NDRG2: variants seen among roughly 807,000 people sequenced by gnomAD.
NDRG2 encodes protein NDRG2.
A neutral mutation model predicts 58.2 loss-of-function variants in NDRG2; 34 were observed. That is an observed-to-expected ratio of 0.58 (90% confidence interval 0.44 to 0.78). The LOEUF (loss-of-function observed/expected upper bound fraction) is 0.78, where lower values mean the gene tolerates loss of function less well. NDRG2 is among the 30% of genes least tolerant of loss of function. The pLI is 0.00. For synonymous variants in NDRG2, 187 were observed against 175.9 expected (o/e 1.06, Z -0.50); for missense variants, 434 against 471.2 (o/e 0.92, Z 0.73).
chr14:21,028,898 T>C (rs1314628832), upstream of NDRG2: 1 of 152,126 alleles, frequency 6.6e-6, no homozygotes, highest in East Asian at 1.9e-4. Context: ...CATTATTAGA[T>C]GGGAAAAGGA....
chr14:21,055,916 T>C (rs1410254373), intron 1 of NDRG2, among the ~76,000 whole-genome samples: 1 of 152,190 alleles, frequency 6.6e-6, no homozygotes, highest in Non-Finnish European at 1.5e-5. Flanking sequence ...CCAAGTCAAC[T>C]GCTTTCTGGG....
In NDRG2 at chr14:21,024,990, T is replaced by A; in HGVS notation, c.-967A>T. 1 of 985,694 alleles carries A rather than the reference T, an allele frequency of 1.0e-6. No homozygotes were observed. The highest frequency in any genetic ancestry group is 1.2e-6 in the Non-Finnish European group (1 of 830,236). The allele number at this position is 985,694 out of a possible 1,614,324, so 61.1% of individuals were successfully genotyped here. On this transcript the variant is annotated 5_prime_UTR_variant, in exon 1 of 16. The change creates a new upstream start codon in the 5' untranslated region. Coordinates refer to ENST00000556147, the MANE Select transcript of NDRG2 (RefSeq NM_001320329.2). The stretch of plus-strand genomic sequence containing the variant: ...ACCGCCCGCCGGCCCGGCTGGCGCC[T>A]TCCAGGCCCTACGGCCCCTCGCCTG...
intron 1 of NDRG2, among the ~76,000 whole-genome samples, chr14:21,036,765 G>T (rs1884653992): frequency 6.6e-6 from 1 of 152,216 alleles, no homozygotes; most frequent in African/African-American, 2.4e-5. Context: ...CTCATAGAAA[G>T]ACTCAACCCA....
At chr14:21,025,233 C>G, upstream of NDRG2, 1 of 851,678 alleles carries the variant, frequency 1.2e-6, no homozygotes, top group African/African-American at 1.8e-5. The surrounding 1 kb of genome is among the most constrained non-coding windows in gnomAD (Gnocchi z 5.1). Flanking sequence ...GTGCTGGGGC[C>G]GGGGGGCGAG....
chr14:21,063,273 G>A (rs1886072850), intron 1 of NDRG2, among the ~76,000 whole-genome samples: 1 of 152,162 alleles, frequency 6.6e-6, no homozygotes, highest in African/African-American at 2.4e-5. Context: ...TTCAGGGTGA[G>A]GAAGTAAAGT....
chr14:21,065,759 G>A (rs968984069), intron 1 of NDRG2, among the ~76,000 whole-genome samples: 1 of 152,134 alleles, frequency 6.6e-6, no homozygotes, highest in Non-Finnish European at 1.5e-5. Flanking sequence ...GAGCAAAAAG[G>A]TGCCAAATTA....
At chr14:21,053,601 T>C (rs1232433632) in intron 1 of NDRG2, among the ~76,000 whole-genome samples, 3 of 151,790 alleles carry the variant, frequency 2.0e-5, no homozygotes, top group Admixed American at 2.0e-4. Flanking sequence ...CAGTCTAGCC[T>C]GGGCGGCAGA....
intron 1 of NDRG2, among the ~76,000 whole-genome samples, chr14:21,052,845 T>G (rs1271374602): frequency 6.6e-6 from 1 of 152,114 alleles, no homozygotes; most frequent in African/African-American, 2.4e-5. Context: ...AGGAGGCAGT[T>G]AGAAGGTGGT....
chr14:21,025,277 G>A (rs1022641740), upstream of NDRG2: 5 of 912,220 alleles, frequency 5.5e-6, no homozygotes, highest in South Asian at 2.5e-4. The surrounding 1 kb of genome is among the most constrained non-coding windows in gnomAD (Gnocchi z 5.1). Flanking sequence ...GGCTCTGCTC[G>A]GCTCACCAAA....
Position 21,017,163 on chromosome 14 carries a change from T to C in NDRG2, c.*433A>G, listed in dbSNP as rs780714665. ...CCATACCCTTCAGAGTCCTAAAGGG[T>C]TAATGAGAAGCCACCTCAGCTTTGG... On this transcript the variant is annotated 3_prime_UTR_variant, in exon 16 of 16. Transcript: ENST00000556147. 5.5e-6 allele frequency: 2 copies of C among 364,786 alleles called. No individual in the cohort carries two copies. The highest frequency in any genetic ancestry group is 1.1e-5 in the Non-Finnish European group (2 of 181,612). The allele number at this position is 364,786 out of a possible 1,614,324, so 22.6% of individuals were successfully genotyped here.
chr14:21,063,668 G>T (rs181467777), intron 1 of NDRG2, among the ~76,000 whole-genome samples: 7 of 152,332 alleles, frequency 4.6e-5, no homozygotes, highest in Admixed American at 4.6e-4. Flanking sequence ...TGACTCTGCT[G>T]GGGGTCTGCC....
intron 1 of NDRG2, among the ~76,000 whole-genome samples, chr14:21,049,851 T>C (rs1321483841): frequency 2.6e-5 from 4 of 151,910 alleles, no homozygotes; most frequent in African/African-American, 9.7e-5. Context: ...TGCAACCTTG[T>C]TGAGCTTTTT....
Position 21,068,191 on chromosome 14 carries a change from G to C in NDRG2, c.24+2637C>G, listed in dbSNP as rs1464905368. On this transcript the variant is annotated intron_variant, in intron 1 of 14. Transcript: ENST00000403829. ...ATTTTTTGTATTTTTAGTAGAGACG[G>C]GGTTTCACCGTGTTAGCCAGGATGG... 2.0e-4 allele frequency among the ~76,000 whole-genome samples: 5 copies of C among 24,994 alleles called. 1 individual carries two copies. Among genetic ancestry groups the C allele is most frequent in the African/African-American group, 3.7e-4 (5 of 13,610 alleles). The allele number at this position is 24,994 out of a possible 152,430, so 16.4% of individuals were successfully genotyped here. A position where few individuals can be genotyped will look rare whatever the true frequency, so the allele number is the denominator to read the frequency against.
At chr14:21,038,998 C>T (rs1884772738) in intron 1 of NDRG2, among the ~76,000 whole-genome samples, 1 of 152,196 alleles carries the variant, frequency 6.6e-6, no homozygotes, top group Non-Finnish European at 1.5e-5. Context: ...CTTTATTTAT[C>T]AAAGGACCAA....
At chr14:21,062,948 TAAAA>T (rs36072613) in intron 1 of NDRG2, among the ~76,000 whole-genome samples, 1 of 128,140 alleles carries the variant, frequency 7.8e-6, no homozygotes, top group Non-Finnish European at 1.7e-5. Context: ...ACCTTGTCTC[TAAAA>T]AAAAAAAAAA....
At chr14:21,017,959 T>A (rs749790453) in intron 15 of NDRG2, 28 bp downstream of exon 15, 4 of 1,614,128 alleles carry the variant, frequency 2.5e-6, no homozygotes, top group Non-Finnish European at 3.4e-6. Context: ...TCTCCTCTAG[T>A]GCAGCAAGCT....
chr14:21,046,562 CATACATACATACATACA>C (rs1885167404), intron 1 of NDRG2, among the ~76,000 whole-genome samples: 1 of 151,756 alleles, frequency 6.6e-6, no homozygotes, highest in Non-Finnish European at 1.5e-5. Flanking sequence ...TACATACATA[CATACATACATACATACA>C]TACATACATA....
intron 1 of NDRG2, among the ~76,000 whole-genome samples, chr14:21,054,005 A>T (rs981824530): frequency 6.6e-6 from 1 of 152,212 alleles, no homozygotes; most frequent in African/African-American, 2.4e-5. Flanking sequence ...TATTCTTACC[A>T]CTAGACTATT....
chr14:21,044,376 A>T (rs1885049367), intron 1 of NDRG2: 1 of 152,596 alleles, frequency 6.6e-6, no homozygotes, highest in Non-Finnish European at 1.5e-5. Context: ...TGAAGACATA[A>T]GGTAAAGGGA....
Sources: gnomAD v4.1 joint callset for allele counts (sites outside exome capture counted in the v4.1 genomes callset) on GRCh38, gnomAD v4.1.1 for gene constraint, Gnocchi (gnomAD v3.1) non-coding constraint, MANE v1.5 for transcripts, NCBI Gene and HGNC (gene_info 2026-07-23, HGNC 2026-07-21) for gene names.